GRIP1: variants seen among roughly 807,000 people sequenced by gnomAD.
GRIP1 encodes the protein glutamate receptor interacting protein 1.
In GRIP1, 45 loss-of-function variants were observed where a neutral mutation model predicts 129.9. The ratio of observed to expected loss-of-function variants is 0.35; its 90% confidence interval spans 0.27 to 0.44. GRIP1 has a LOEUF of 0.44. Among genes scored for constraint, GRIP1 ranks in the 20% least tolerant of loss-of-function variants. GRIP1 has a pLI of 1.00. For synonymous variants in GRIP1, 530 were observed against 520.8 expected (o/e 1.02, Z -0.24); for missense variants, 1,196 against 1,396.8 (o/e 0.86, Z 2.29).
At chr12:66,625,980 A>T (rs1187491191) in intron 1 of GRIP1, among the ~76,000 whole-genome samples, 5 of 152,104 alleles carry the variant, frequency 3.3e-5, no homozygotes, top group Non-Finnish European at 7.3e-5. Context: ...CTTAAATGAG[A>T]AGAAGGAACC....
intron 14 of GRIP1, among the ~76,000 whole-genome samples, chr12:66,428,315 T>C: frequency 6.6e-6 from 1 of 152,144 alleles, no homozygotes; most frequent in South Asian, 2.1e-4. Flanking sequence ...TACTGCAAAG[T>C]TGGCAAAATA....
rs998657275 is a variant in GRIP1 at position 66,569,671 on chromosome 12, A to C, written c.136+27176T>G. Among the ~76,000 whole-genome samples, 15 of 152,152 alleles carry C rather than the reference A, an allele frequency of 9.9e-5. No individual in the cohort carries two copies. In the South Asian group the frequency reaches 1.0e-3, roughly 11 times the overall value. ...GGCCTCTCCCAGACCCTCAGGGTGT[A>C]CTCACTCCACAAGTGTCCAGCAAGA... On this transcript the variant is annotated intron_variant, in intron 2 of 24. Coordinates refer to ENST00000359742, the MANE Select transcript of GRIP1 (RefSeq NM_001366722.1).
At chr12:66,739,889 C>T (rs1026785297) in intron 1 of GRIP1, among the ~76,000 whole-genome samples, 2 of 152,138 alleles carry the variant, frequency 1.3e-5, no homozygotes, top group African/African-American at 4.8e-5. Context: ...TCTGTTGAGG[C>T]TCAGTCCTCA....
chr12:66,672,849 A>G (rs2034145248), intron 1 of GRIP1, among the ~76,000 whole-genome samples: 1 of 152,172 alleles, frequency 6.6e-6, no homozygotes, highest in Non-Finnish European at 1.5e-5. Flanking sequence ...AGTATAAAAC[A>G]GTTTTCACAA....
Position 66,857,061 on chromosome 12 carries a change from G to C in GRIP1, c.58+211989C>G, listed in dbSNP as rs528369229. ...TGCAGCCATAAAAAATGATGAGTTC[G>C]TGTCCTTTGTAGGGACATGGATGAA... is the stretch of plus-strand genomic sequence containing the variant. On this transcript the variant is annotated intron_variant, in intron 1 of 1. Transcript: ENST00000643019. Among the ~76,000 whole-genome samples the C allele has an allele frequency of 1.1e-3, 160 of 152,070 alleles. 1 individual carries two copies. Among genetic ancestry groups the C allele is most frequent in the Admixed American group, 2.1e-3 (32 of 15,262 alleles).
At chr12:66,648,855 AGG>A (rs1192064649) in intron 1 of GRIP1, among the ~76,000 whole-genome samples, 1 of 152,226 alleles carries the variant, frequency 6.6e-6, no homozygotes, top group Non-Finnish European at 1.5e-5. Flanking sequence ...AACATTGTAA[AGG>A]AAAGTTGACA....
chr12:66,665,453 AGTGT>A (rs2033744164), intron 1 of GRIP1, among the ~76,000 whole-genome samples: 1 of 152,182 alleles, frequency 6.6e-6, no homozygotes, highest in Non-Finnish European at 1.5e-5. Context: ...TATCCCCATA[AGTGT>A]GTGTGTCCTC....
intron 1 of GRIP1, among the ~76,000 whole-genome samples, chr12:66,732,471 T>C (rs1057359012): frequency 2.0e-5 from 3 of 152,090 alleles, no homozygotes; most frequent in African/African-American, 4.8e-5. Context: ...GAGGATCATT[T>C]GAGCCTGGAA....
At chr12:66,806,460 A>G (rs192036391), upstream of GRIP1, among the ~76,000 whole-genome samples, 1 of 152,302 alleles carries the variant, frequency 6.6e-6, no homozygotes, top group Non-Finnish European at 1.5e-5. Flanking sequence ...GAGATAATGC[A>G]GGCAATAAAT....
intron 1 of GRIP1, among the ~76,000 whole-genome samples, chr12:66,620,085 C>T (rs773409325): frequency 1.3e-5 from 2 of 152,152 alleles, no homozygotes; most frequent in Non-Finnish European, 2.9e-5. Context: ...CATTAAGCTA[C>T]CTGCTCAAGT....
intron 11 of GRIP1, among the ~76,000 whole-genome samples, chr12:66,453,130 G>A (rs186466919): frequency 1.5e-4 from 23 of 152,292 alleles, no homozygotes; most frequent in Admixed American, 1.2e-3. Context: ...GAATTTATGC[G>A]TTGGTTATGC....
intron 5 of GRIP1, among the ~76,000 whole-genome samples, chr12:66,522,934 G>A (rs1282951983): frequency 6.6e-6 from 1 of 152,028 alleles, no homozygotes; most frequent in Admixed American, 6.6e-5. Context: ...TATCAGTGAT[G>A]GAAGATGAAA....
At chr12:66,918,403 T>A (rs994497560) in intron 1 of GRIP1, among the ~76,000 whole-genome samples, 8 of 152,180 alleles carry the variant, frequency 5.3e-5, no homozygotes, top group African/African-American at 1.9e-4. Flanking sequence ...AGTCAGCCAA[T>A]TCAAATGTTA....
chr12:66,819,679 T>G (rs183491120), intron 1 of GRIP1, among the ~76,000 whole-genome samples: 3 of 152,332 alleles, frequency 2.0e-5, no homozygotes, highest in Admixed American at 2.0e-4. Context: ...ACATTCAAAC[T>G]AAGAGTTCCA....
At chr12:66,971,746 C>T (rs2042079371) in intron 1 of GRIP1, among the ~76,000 whole-genome samples, 1 of 151,974 alleles carries the variant, frequency 6.6e-6, no homozygotes, top group African/African-American at 2.4e-5. Context: ...GGTAGTTTAG[C>T]AAAGAGAAGA....
intron 1 of GRIP1, among the ~76,000 whole-genome samples, chr12:66,943,658 G>A (rs748594268): frequency 6.6e-6 from 1 of 152,156 alleles, no homozygotes; most frequent in Non-Finnish European, 1.5e-5. Flanking sequence ...TTCTGCTTGT[G>A]AAATTTCATT....
intron 1 of GRIP1, among the ~76,000 whole-genome samples, chr12:67,013,401 A>T (rs1692811742): frequency 6.6e-6 from 1 of 152,144 alleles, no homozygotes; most frequent in African/African-American, 2.4e-5. Flanking sequence ...TGATTAGAGG[A>T]TGTATTTCTT....
chr12:66,376,713 G>A (rs1005237957), intron 22 of GRIP1, among the ~76,000 whole-genome samples: 1 of 152,176 alleles, frequency 6.6e-6, no homozygotes, highest in Non-Finnish European at 1.5e-5. Flanking sequence ...TCCTCTTAAC[G>A]ATCACATTAA....
chr12:66,716,443 A>G (rs371250306), intron 1 of GRIP1, among the ~76,000 whole-genome samples: 18 of 151,942 alleles, frequency 1.2e-4, no homozygotes, highest in African/African-American at 3.6e-4. Context: ...AAATTTCCCC[A>G]AGGGTCCATG....
Sources: gnomAD v4.1 joint callset for allele counts (sites outside exome capture counted in the v4.1 genomes callset) on GRCh38, gnomAD v4.1.1 for gene constraint, MANE v1.5 for transcripts, NCBI Gene and HGNC (gene_info 2026-07-23, HGNC 2026-07-21) for gene names.